KIF26A: variants seen among roughly 807,000 people sequenced by gnomAD.
KIF26A encodes kinesin family member 26A.
Under a neutral mutation model 126.0 loss-of-function variants are expected in KIF26A, and 74 were observed. That is an observed-to-expected ratio of 0.59 (90% CI 0.49 to 0.71). The LOEUF (loss-of-function observed/expected upper bound fraction) is 0.71. KIF26A is among the 30% of genes least tolerant of loss of function. The pLI is 0.00. For synonymous variants in KIF26A, 1,445 were observed against 1,232.7 expected (o/e 1.17, Z -3.61); for missense variants, 2,984 against 2,763.3 (o/e 1.08, Z -1.79).
At chr14:104,140,859 C>T (rs1410755492) in intron 2 of KIF26A, among the ~76,000 whole-genome samples, 1 of 152,212 alleles carries the variant, frequency 6.6e-6, no homozygotes, top group African/African-American at 2.4e-5. Flanking sequence ...ACACCGGGGT[C>T]CCGGGCTGGT....
At chr14:104,159,084 G>A (rs972851998) in intron 4 of KIF26A, among the ~76,000 whole-genome samples, 14 of 151,158 alleles carry the variant, frequency 9.3e-5, no homozygotes, top group Middle Eastern at 3.4e-3. Flanking sequence ...GCCGTGTGCC[G>A]GGCTGAGGGC....
intron 9 of KIF26A, 36 bp downstream of exon 9, chr14:104,173,549 G>T (rs1246956686): frequency 6.6e-7 from 1 of 1,517,360 alleles, no homozygotes; most frequent in Admixed American, 2.1e-5. Context: ...GCCCCTGTGG[G>T]ATGCGTGTCA....
At chr14:104,179,161 G>A in intron 13 of KIF26A, 75 bp from the exon 14 acceptor site, 2 of 1,372,918 alleles carry the variant, frequency 1.5e-6, no homozygotes, top group East Asian at 2.8e-5. Context: ...GGGAGGCGGG[G>A]GCCACATCAG....
In KIF26A at chr14:104,178,618, C is replaced by T. The variant is rs772078079; in HGVS notation, c.5179C>T (p.Leu1727Phe). Residue 1727 changes from leucine to phenylalanine, a missense_variant, in exon 13 of 15, where the codon CTC becomes TTC. Coordinates refer to ENST00000423312, the MANE Select transcript of KIF26A (RefSeq NM_015656.2). Reference sequence around the variant, plus strand: ...CACTGCCCTGGGCCGTAAGCCCAGCCTCCCCGGGCAGTGGGTGGACCTGCC... The same window carrying T: ...CACTGCCCTGGGCCGTAAGCCCAGCTTCCCCGGGCAGTGGGTGGACCTGCC... ...DTTALGRKPSLPGQWVDLPPP... is the reference protein window; with the variant it reads ...DTTALGRKPSFPGQWVDLPPP... The T allele has an allele frequency of 1.3e-6, 2 of 1,547,752 alleles. No homozygotes were observed. Among genetic ancestry groups the T allele is most frequent in the South Asian group, 1.2e-5 (1 of 83,832 alleles).
At chr14:104,141,435 G>T (rs992766834) in intron 2 of KIF26A, among the ~76,000 whole-genome samples, 1 of 152,260 alleles carries the variant, frequency 6.6e-6, no homozygotes. Flanking sequence ...CAGAAGCCCA[G>T]AGAAGTGGAG....
At position 104,174,242 on chromosome 14, in the gene KIF26A, C is replaced by A; in HGVS notation, c.2125C>A (p.His709Asn). 1 of 1,577,682 alleles carries A rather than the reference C, an allele frequency of 6.3e-7. No individual in the cohort carries two copies. The highest frequency in any genetic ancestry group is 1.3e-5 in the African/African-American group (1 of 74,158). Residue 709 changes from histidine (H) to asparagine (N), a missense_variant, in exon 11 of 15, where the codon CAC (histidine) becomes AAC (asparagine). By Grantham distance (68) the His-to-Asn change is moderately conservative. Coordinates refer to ENST00000423312, the MANE Select transcript of KIF26A (RefSeq NM_015656.2). ...IAHVSDAPAQHAETLSTVQLA... is the reference protein window; with the variant it reads ...IAHVSDAPAQNAETLSTVQLA... Reference sequence around the variant, plus strand: ...CCACGTGTCGGATGCGCCAGCCCAGCACGCAGAGACACTCAGCACCGTGCA... The same window carrying A: ...CCACGTGTCGGATGCGCCAGCCCAGAACGCAGAGACACTCAGCACCGTGCA...
In KIF26A at chr14:104,152,357, G is replaced by A; in HGVS notation, c.631G>A (p.Gly211Ser). Residue 211 changes from glycine to serine, a missense_variant, in exon 3 of 15, where the codon GGT becomes AGT. Gly to Ser is a moderately conservative substitution (Grantham distance 56). Coordinates refer to ENST00000423312, the MANE Select transcript of KIF26A (RefSeq NM_015656.2). The surrounding 1 kb of genome is among the most constrained non-coding windows in gnomAD (Gnocchi z 5.9). ...PSVQVSVAPA[G>S]LGGALSTVTI... ...TGTCCAGGTGTCTGTAGCACCTGCG[G>A]GTCTTGGAGGGGCGCTGAGCACGGT... 1 of 1,589,038 alleles carries A rather than the reference G, an allele frequency of 6.3e-7. No homozygotes were observed. Among genetic ancestry groups the A allele is most frequent in the African/African-American group, 1.3e-5 (1 of 74,430 alleles).
At chr14:104,173,619 G>C (rs2037983854) in intron 9 of KIF26A, 87 bp from the exon 10 acceptor site, 5 of 1,536,338 alleles carry the variant, frequency 3.3e-6, no homozygotes, top group African/African-American at 1.4e-5. Context: ...CCCTGGGGTT[G>C]TCCCCAGCTT....
intron 2 of KIF26A, among the ~76,000 whole-genome samples, chr14:104,144,272 A>C (rs993364379): frequency 6.6e-6 from 1 of 152,114 alleles, no homozygotes; most frequent in Non-Finnish European, 1.5e-5. Context: ...AGAAGCAGAG[A>C]TGGAGCCCTA....
At chr14:104,161,373 G>C (rs568911207) in intron 4 of KIF26A, among the ~76,000 whole-genome samples, 26 of 152,316 alleles carry the variant, frequency 1.7e-4, no homozygotes, top group African/African-American at 6.3e-4. Context: ...CTCTGGGTTG[G>C]CCATAAGTGA....
Position 104,173,768 on chromosome 14 carries a change from A to T in KIF26A, c.1930A>T (p.Arg644Trp). Residue 644 changes from arginine (R) to tryptophan (W), a missense_variant, in exon 10 of 15, where the codon AGG becomes TGG. By Grantham distance (101) the Arg-to-Trp change is moderately radical. Transcript: ENST00000423312. ...GGGCAGCTGTGAGGCGGCGGCTGGC[A>T]GGGCCGGGGAGGCTGCTGGGGGTCC... ...DLGSCEAAAG[R>W]AGEAAGGPLC... 1 of 1,608,498 alleles carries T rather than the reference A, an allele frequency of 6.2e-7. No homozygotes were observed. The highest frequency in any genetic ancestry group is 8.5e-7 in the Non-Finnish European group (1 of 1,179,352).
chr14:104,171,663 TGTAATTA>T, intron 5 of KIF26A, 53 bp from the exon 6 acceptor site: 2 of 1,431,484 alleles, frequency 1.4e-6, no homozygotes, highest in Non-Finnish European at 1.9e-6. Context: ...CCTCCTGCCC[TGTAATTA>T]GTGGCCGGCT....
chr14:104,177,858 C>T lies in KIF26A; in HGVS notation c.5070C>T (p.Ala1690=). Residue 1690 remains alanine, a synonymous_variant, in exon 12 of 15, where the codon GCC becomes GCT. Coordinates refer to ENST00000423312, the MANE Select transcript of KIF26A (RefSeq NM_015656.2). ...MSESGAASPG[A]RTRSLKSPKK... is the part of the protein sequence containing the mutation. ...AGAGTGGGGCTGCCTCCCCAGGCGC[C>T]CGCACCCGCAGCCTCAAGTCCCCCA... 2 of 1,558,474 alleles carry T rather than the reference C, an allele frequency of 1.3e-6. No homozygotes were observed. Among genetic ancestry groups the T allele is most frequent in the Non-Finnish European group, 1.7e-6 (2 of 1,158,794 alleles).
Position 104,148,222 on chromosome 14 carries a change from A to G in KIF26A, c.289-3793A>G, listed in dbSNP as rs1214488486. ...AGACCCCAGAAACAAAATAAAGAAC[A>G]AAGTCATGATTTGTAAGTAGGGGGG... On this transcript the variant is annotated intron_variant, in intron 2 of 14. Coordinates refer to ENST00000423312, the MANE Select transcript of KIF26A (RefSeq NM_015656.2). This position sits in a 1 kb window ranked among gnomAD's most constrained non-coding sequence, Gnocchi z 4.3. Among the ~76,000 whole-genome samples, 1 of 152,224 alleles carries G rather than the reference A, an allele frequency of 6.6e-6. No homozygotes were observed. The highest frequency in any genetic ancestry group is 1.5e-5 in the Non-Finnish European group (1 of 68,040).
Position 104,178,641 on chromosome 14 carries a change from G to T in KIF26A, c.5202G>T (p.Leu1734=). 1 of 1,551,040 alleles carries T rather than the reference G, an allele frequency of 6.4e-7. No individual in the cohort carries two copies. ...KPSLPGQWVD[L]PPPLAGSLKE... The stretch of plus-strand genomic sequence containing the variant: ...GCCTCCCCGGGCAGTGGGTGGACCT[G>T]CCCCCGCCCCTGGCTGGCTCCCTGA... The change falls in exon 13 of 15, where the codon CTG becomes CTT. Residue 1734 remains leucine (L), a synonymous_variant. Transcript: ENST00000423312.
intron 2 of KIF26A, among the ~76,000 whole-genome samples, chr14:104,143,081 C>T (rs527619961): frequency 7.7e-4 from 117 of 152,334 alleles, no homozygotes; most frequent in African/African-American, 2.6e-3. Flanking sequence ...ACATTTGAAG[C>T]GTCAGTACCG....
rs371170799 is a variant in KIF26A, at chr14:104,157,806, C to A, written c.787C>A (p.Pro263Thr). 1.9e-6 allele frequency: 3 copies of A among 1,609,980 alleles called. No homozygotes were observed. Among genetic ancestry groups the A allele is most frequent in the Admixed American group, 1.7e-5 (1 of 59,790 alleles). ...GGTGGCAGACACGGTCCGAGAATGC[C>A]CCCCCGTGGCCGGCCCTGATGGCTT... ...VAVADTVREC[P>T]PVAGPDGLSK... The change falls in exon 4 of 15, where the codon CCC (proline) becomes ACC (threonine). Residue 263 changes from proline (P) to threonine (T), a missense_variant. Transcript: ENST00000423312.
chr14:104,143,879 G>A (rs116605562), intron 2 of KIF26A, among the ~76,000 whole-genome samples: 4,873 of 152,324 alleles, frequency 0.032, 267 homozygotes, highest in African/African-American at 0.11. Context: ...GTGGCAGCCT[G>A]GGGAGGTGTG....
intron 5 of KIF26A, among the ~76,000 whole-genome samples, chr14:104,167,315 G>A (rs2037916601): frequency 6.6e-6 from 1 of 152,094 alleles, no homozygotes; most frequent in South Asian, 2.1e-4. Flanking sequence ...GGGCGGGACA[G>A]CCAGGTCACG....
Sources: gnomAD v4.1 joint callset for allele counts (sites outside exome capture counted in the v4.1 genomes callset) on GRCh38, gnomAD v4.1.1 for gene constraint, Gnocchi (gnomAD v3.1) non-coding constraint, MANE v1.5 for transcripts, NCBI Gene and HGNC (gene_info 2026-07-23, HGNC 2026-07-21) for gene names.